CREBBP: variants seen among roughly 807,000 people sequenced by gnomAD.
CREBBP encodes CREB-binding protein.
In CREBBP, 19 loss-of-function variants were observed where a neutral mutation model predicts 265.0. The observed-to-expected ratio is 0.07, with a 90% CI of 0.05 to 0.11. The LOEUF (loss-of-function observed/expected upper bound fraction) is 0.11. Among genes scored for constraint, CREBBP ranks in the 10% least tolerant of loss-of-function variants. The pLI is 1.00. For synonymous variants in CREBBP, 1,457 were observed against 1,223.7 expected (o/e 1.19, Z -3.98); for missense variants, 2,525 against 3,219.0 (o/e 0.78, Z 5.22).
chr16:3,827,838 G>A (rs1027222281), intron 2 of CREBBP, among the ~76,000 whole-genome samples: 2 of 151,918 alleles, frequency 1.3e-5, no homozygotes, highest in South Asian at 2.1e-4. Context: ...CTATAGGCAC[G>A]TGCCACCACA....
intron 28 of CREBBP, among the ~76,000 whole-genome samples, chr16:3,733,632 C>T (rs559403693): frequency 1.3e-5 from 2 of 152,192 alleles, no homozygotes; most frequent in Admixed American, 1.3e-4. Context: ...TTTGTGTCAG[C>T]CTTAAAACAA....
rs1173875810 is a variant in CREBBP, at chr16:3,727,998, T to TGGACAGGGGCTGGAGACC, written c.7031_7048dup (p.Arg2344_Val2349dup). 6.2e-7 allele frequency: 1 copy of TGGACAGGGGCTGGAGACC among 1,609,196 alleles called. No homozygotes were observed. Among genetic ancestry groups the TGGACAGGGGCTGGAGACC allele is most frequent in the Non-Finnish European group, 8.5e-7 (1 of 1,176,640 alleles). ...AGGCTGGGACTGGGGCCGTGGAGAC[T>TGGACAGGGGCTGGAGACC]GGACAGGGGCTGGAGACCGCACCTG... On this transcript the variant is annotated inframe_insertion, in exon 31 of 31. Coordinates refer to ENST00000262367, the MANE Select transcript of CREBBP (RefSeq NM_004380.3).
chr16:3,733,177 A>G (rs1011948011), intron 28 of CREBBP, among the ~76,000 whole-genome samples: 1 of 151,944 alleles, frequency 6.6e-6, no homozygotes, highest in Non-Finnish European at 1.5e-5. Context: ...CCTGGCTAAC[A>G]CGGTGAAACT....
chr16:3,826,337 A>G (rs1293042800), intron 2 of CREBBP, among the ~76,000 whole-genome samples: 1 of 152,240 alleles, frequency 6.6e-6, no homozygotes, highest in African/African-American at 2.4e-5. Context: ...AAGTCTAAAT[A>G]AATTATGTAG....
At chr16:3,772,201 C>A (rs1259269473) in intron 13 of CREBBP, among the ~76,000 whole-genome samples, 1 of 150,370 alleles carries the variant, frequency 6.7e-6, no homozygotes, top group African/African-American at 2.5e-5. Context: ...TTTTAAGTTG[C>A]TTCTTCCCTG....
intron 2 of CREBBP, chr16:3,813,178 T>G (rs1260048381): frequency 4.4e-6 from 1 of 229,336 alleles, no homozygotes; most frequent in Non-Finnish European, 8.6e-6. Flanking sequence ...TCTAGCTCTG[T>G]GCATTTCATA....
At chr16:3,751,550 C>T (rs1236203517) in intron 20 of CREBBP, among the ~76,000 whole-genome samples, 176 bp downstream of exon 20, 3 of 152,170 alleles carry the variant, frequency 2.0e-5, no homozygotes, top group Non-Finnish European at 4.4e-5. Flanking sequence ...CGAGATAGTG[C>T]CACTGCACAC....
chr16:3,757,394 A>G lies in CREBBP; in HGVS notation c.3610-18T>C, dbSNP rs1358821075. 5.7e-6 allele frequency: 9 copies of G among 1,574,654 alleles called. No homozygotes were observed. The highest frequency in any genetic ancestry group is 7.0e-6 in the Non-Finnish European group (8 of 1,147,932). On this transcript the variant is annotated intron_variant, in intron 18 of 30. Coordinates refer to ENST00000262367, the MANE Select transcript of CREBBP (RefSeq NM_004380.3). ...AACTCATACTGCAAAAATAAAGGAG[A>G]AATACTTTTATATAAAAATACATTC...
At position 3,728,634 on chromosome 16, in the gene CREBBP, C is replaced by T. The variant is rs2151304144; in HGVS notation, c.6413G>A (p.Ser2138Asn). ...QPQPGMHQQPSLQNLNAMQAG... is the reference protein window; with the variant it reads ...QPQPGMHQQPNLQNLNAMQAG... ...CTGCATGGCATTCAGGTTCTGCAGG[C>T]TGGGCTGCTGGTGCATGCCAGGCTG... is the stretch of plus-strand genomic sequence containing the variant. Residue 2138 changes from serine (S) to asparagine (N), a missense_variant, in exon 31 of 31, where the codon AGC (serine) becomes AAC (asparagine). Around this residue, in one of 19 missense-constraint regions of CREBBP, gnomAD observed 473 missense variants for 459.3 expected, o/e 1.03. Transcript: ENST00000262367. This position sits in a 1 kb window ranked among gnomAD's most constrained non-coding sequence, Gnocchi z 8.7. 2 of 1,613,634 alleles carry T rather than the reference C, an allele frequency of 1.2e-6. No homozygotes were observed. Among genetic ancestry groups the T allele is most frequent in the Non-Finnish European group, 8.5e-7 (1 of 1,179,886 alleles).
At chr16:3,828,831 A>T (rs2054288595) in intron 2 of CREBBP, among the ~76,000 whole-genome samples, 1 of 152,244 alleles carries the variant, frequency 6.6e-6, no homozygotes, top group African/African-American at 2.4e-5. Flanking sequence ...ACTCCTTGTT[A>T]TAAAAGACAT....
At position 3,738,547 on chromosome 16, in the gene CREBBP, A is replaced by G. The variant is rs1243109512; in HGVS notation, c.4394+12T>C. 2.6e-6 allele frequency: 4 copies of G among 1,521,262 alleles called. No homozygotes were observed. Among genetic ancestry groups the G allele is most frequent in the Non-Finnish European group, 3.7e-6 (4 of 1,095,600 alleles). The allele number at this position is 1,521,262 out of a possible 1,614,324, so 94.2% of individuals were successfully genotyped here. A position where few individuals can be genotyped will look rare whatever the true frequency, so the allele number is the denominator to read the frequency against. On this transcript the variant is annotated intron_variant, in intron 26 of 30. Coordinates refer to ENST00000262367, the MANE Select transcript of CREBBP (RefSeq NM_004380.3). ...GTTCTTACTAGTTCCAAATAATTTAATCCAAACTCACCCTAATTTCTTCAC... is the reference window on the plus strand; with the variant it reads ...GTTCTTACTAGTTCCAAATAATTTAGTCCAAACTCACCCTAATTTCTTCAC...
chr16:3,811,041 C>A (rs966772581), intron 2 of CREBBP, among the ~76,000 whole-genome samples: 1 of 152,062 alleles, frequency 6.6e-6, no homozygotes, highest in Non-Finnish European at 1.5e-5. Context: ...ATCCCTCCTG[C>A]CCCAACAATG....
At chr16:3,815,685 G>T (rs991220893) in intron 2 of CREBBP, among the ~76,000 whole-genome samples, 1 of 151,314 alleles carries the variant, frequency 6.6e-6, no homozygotes, top group Admixed American at 6.6e-5. Context: ...TACATAGTAG[G>T]TATATATATT....
chr16:3,820,764 G>T (rs1186567118), intron 2 of CREBBP, among the ~76,000 whole-genome samples: 1 of 152,150 alleles, frequency 6.6e-6, no homozygotes, highest in African/African-American at 2.4e-5. Flanking sequence ...GGAGGCTGAG[G>T]TGGGAGGACT....
chr16:3,813,602 G>GT (rs897882882), intron 2 of CREBBP, among the ~76,000 whole-genome samples: 5 of 151,932 alleles, frequency 3.3e-5, no homozygotes, highest in Admixed American at 6.6e-5. Flanking sequence ...AAAAAATATA[G>GT]TTTTTTTTCC....
intron 2 of CREBBP, among the ~76,000 whole-genome samples, chr16:3,815,430 G>A (rs2054018663): frequency 6.7e-6 from 1 of 149,678 alleles, no homozygotes; most frequent in African/African-American, 2.5e-5. Flanking sequence ...ATCCCACGAT[G>A]AGCCAGAATA....
At chr16:3,747,985 G>A (rs948498064) in intron 21 of CREBBP, among the ~76,000 whole-genome samples, 1 of 152,228 alleles carries the variant, frequency 6.6e-6, no homozygotes, top group Admixed American at 6.5e-5. Flanking sequence ...AGCTACTCGG[G>A]AGGCTGAGGC....
chr16:3,810,387 G>C (rs1003818545), intron 3 of CREBBP, among the ~76,000 whole-genome samples: 2 of 152,186 alleles, frequency 1.3e-5, no homozygotes, highest in African/African-American at 4.8e-5. Flanking sequence ...AGCCTGGGAA[G>C]AGCGGCTGAA....
rs1167926630 is a variant in CREBBP, at chr16:3,880,483, T to TCCG, written c.-570_-568dup. The TCCG allele has an allele frequency of 1.0e-3, 138 of 135,338 alleles. No individual in the cohort carries two copies. Among genetic ancestry groups the TCCG allele is most frequent in the Non-Finnish European group, 1.6e-3 (102 of 62,602 alleles). 8.4% of individuals were successfully genotyped at this position (135,338 alleles called of 1,614,324 possible). ...CCGCCGCGGCCCCCCCACCCCCCGT[T>TCCG]CCGCCGCCGCCGCCGCCGCTGCCGC... On this transcript the variant is annotated 5_prime_UTR_variant, in exon 1 of 31. Transcript: ENST00000262367.
Sources: gnomAD v4.1 joint callset for allele counts (sites outside exome capture counted in the v4.1 genomes callset) on GRCh38, gnomAD v4.1.1 for gene constraint, gnomAD v4.1.1 regional missense constraint, Gnocchi (gnomAD v3.1) non-coding constraint, MANE v1.5 for transcripts, NCBI Gene and HGNC (gene_info 2026-07-23, HGNC 2026-07-21) for gene names.